MACF1: variants seen among roughly 807,000 people sequenced by gnomAD.
MACF1 encodes microtubule-actin cross-linking factor 1.
A neutral mutation model predicts 854.8 loss-of-function variants in MACF1; 193 were observed. That is an observed-to-expected ratio of 0.23 (90% confidence interval 0.20 to 0.25). The LOEUF is 0.25. Ranked by LOEUF, MACF1 falls within the 10% of genes least tolerant of loss-of-function variation. The pLI is 1.00. For synonymous variants in MACF1, 3,185 were observed against 3,226.7 expected, an observed-to-expected ratio of 0.99 and a Z score of 0.44; for missense variants, 7,722 against 8,929.1, an observed-to-expected ratio of 0.86 and a Z score of 5.45.
intron 58 of MACF1, among the ~76,000 whole-genome samples, chr1:39,390,581 A>T (rs1036458436): frequency 6.6e-6 from 1 of 152,240 alleles, no homozygotes; most frequent in Non-Finnish European, 1.5e-5. Context: ...CCCGTGAAGC[A>T]GTGCATTCCT....
At chr1:39,380,849 C>G (rs1324119053) in intron 55 of MACF1, among the ~76,000 whole-genome samples, 3 of 152,048 alleles carry the variant, frequency 2.0e-5, no homozygotes, top group African/African-American at 7.2e-5. Context: ...GAGTTCAAGG[C>G]TGCAGTGAGC....
At position 39,206,616 on chromosome 1, in the gene MACF1, A is replaced by G. The variant is rs796814452; in HGVS notation, c.109+1485A>G. 5 of 152,310 alleles carry G rather than the reference A, an allele frequency of 3.3e-5. No individual in the cohort carries two copies. In the South Asian group the frequency reaches 1.0e-3, roughly 32 times the overall value. 9.4% of individuals were successfully genotyped at this position (152,310 alleles called of 1,614,324 possible). On this transcript the variant is annotated intron_variant, in intron 1 of 100. Coordinates refer to ENST00000564288, the MANE Select transcript of MACF1 (RefSeq NM_001394062.1). ...TAAAGTAATTGAAATAAAAAGATACATTGTAAAAGCTTTTTATTTCTATGA... is the reference window on the plus strand; with the variant it reads ...TAAAGTAATTGAAATAAAAAGATACGTTGTAAAAGCTTTTTATTTCTATGA...
At chr1:39,235,896 G>A (rs1644855465) in intron 2 of MACF1, among the ~76,000 whole-genome samples, 2 of 152,128 alleles carry the variant, frequency 1.3e-5, no homozygotes, top group East Asian at 3.8e-4. Flanking sequence ...CACTGTGCCT[G>A]GCTAATTTTT....
At position 39,316,446 on chromosome 1, in the gene MACF1, A is replaced by G. The variant is rs1228646119; in HGVS notation, c.3505A>G (p.Lys1169Glu). ...CATACAGGATGCTGAACTCTTGGTC[A>G]AAGGTTATGAGATTAAGCTGAGTCA... is the stretch of plus-strand genomic sequence containing the variant. ...RSIQDAELLV[K>E]GYEIKLSQEE... Residue 1169 changes from lysine to glutamate, a missense_variant, in exon 28 of 101, where the codon AAA (lysine) becomes GAA (glutamate). Physicochemically the swap from Lys to Glu is moderately conservative, Grantham distance 56. Transcript: ENST00000564288. The G allele has an allele frequency of 6.2e-7, 1 of 1,613,916 alleles. No individual in the cohort carries two copies. Among genetic ancestry groups the G allele is most frequent in the African/African-American group, 1.3e-5 (1 of 74,918 alleles).
chr1:39,430,924 C>A lies in MACF1; in HGVS notation c.17337+16C>A. 6.3e-7 allele frequency: 1 copy of A among 1,597,330 alleles called. No homozygotes were observed. The highest frequency in any genetic ancestry group is 8.6e-7 in the Non-Finnish European group (1 of 1,166,444). The stretch of plus-strand genomic sequence containing the variant: ...ATCACAACAGGTAATGCTTATAATA[C>A]CTCTGCATTAATATTTTAGACAGTA... On this transcript the variant is annotated intron_variant, in intron 66 of 100. Coordinates refer to ENST00000564288, the MANE Select transcript of MACF1 (RefSeq NM_001394062.1).
intron 2 of MACF1, among the ~76,000 whole-genome samples, chr1:39,136,462 G>A (rs1643171128): frequency 1.3e-5 from 2 of 152,202 alleles, no homozygotes; most frequent in Non-Finnish European, 2.9e-5. Flanking sequence ...TTTATAGGGT[G>A]GAAGGCGTGG....
chr1:39,372,714 A>C, intron 52 of MACF1, 118 bp downstream of exon 52: 4 of 746,468 alleles, frequency 5.4e-6, no homozygotes, highest in Non-Finnish European at 9.4e-6. Context: ...AACAAAGGGC[A>C]TGCCCAAAGC....
chr1:39,123,203 A>ATTTTTTT (rs10585991), intron 2 of MACF1, among the ~76,000 whole-genome samples: 3 of 111,918 alleles, frequency 2.7e-5, no homozygotes, highest in Admixed American at 1.0e-4. Flanking sequence ...ATATATATAA[A>ATTTTTTT]TTTTTTTTTT....
intron 1 of MACF1, among the ~76,000 whole-genome samples, chr1:39,206,191 A>G (rs1644448262): frequency 6.6e-6 from 1 of 152,240 alleles, no homozygotes; most frequent in Non-Finnish European, 1.5e-5. Context: ...TTTTGACTAA[A>G]TATTCAGATC....
At chr1:39,432,371 A>G (rs953928812) in intron 66 of MACF1, among the ~76,000 whole-genome samples, 164 bp from the exon 67 acceptor site, 14 of 152,190 alleles carry the variant, frequency 9.2e-5, no homozygotes, top group Non-Finnish European at 1.2e-4. Context: ...ACTTGTTTGC[A>G]TCTTGATTTG....
In MACF1 at chr1:39,336,619, G is replaced by T; in HGVS notation, c.10031G>T (p.Gly3344Val). The change falls in exon 37 of 101, where the codon GGA (glycine) becomes GTA (valine). Residue 3344 changes from glycine (G) to valine (V), a missense_variant. This residue lies in a region of MACF1 where 854 missense variants were observed against 852.6 expected (regional missense o/e 1.00). Transcript: ENST00000564288. ...ACTGCACCTGAAGGAAAGGGAAATG[G>T]AGGTGTAAACCCAGAGCCCTTCAGA... ...FMTAPEGKGN[G>V]GVNPEPFRAT... 1 of 1,613,268 alleles carries T rather than the reference G, an allele frequency of 6.2e-7. No homozygotes were observed. Among genetic ancestry groups the T allele is most frequent in the Middle Eastern group, 1.7e-4 (1 of 6,042 alleles).
At chr1:39,465,020 T>C (rs1466740267) in intron 94 of MACF1, 75 bp from the exon 95 acceptor site, 1 of 1,256,306 alleles carries the variant, frequency 8.0e-7, no homozygotes, top group Non-Finnish European at 1.2e-6. Context: ...TTTCATTCTT[T>C]AGTGTTAATT....
chr1:39,371,920 T>A (rs1032252328), intron 51 of MACF1, among the ~76,000 whole-genome samples: 2 of 151,602 alleles, frequency 1.3e-5, no homozygotes, highest in South Asian at 2.1e-4. Context: ...TTCAAGCAAC[T>A]CTCCCGTCTC....
In MACF1 at chr1:39,409,272, A is replaced by C. The variant is rs1642872206; in HGVS notation, c.15817-13102A>C. On this transcript the variant is annotated intron_variant, in intron 58 of 100. Transcript: ENST00000564288. This position sits in a 1 kb window ranked among gnomAD's most constrained non-coding sequence, Gnocchi z 4.2. ...GAATAGAGGCGGCTGCTTGTCATGC[A>C]GCCCACGGCGTGGCGGCTGCGGGCC... Among the ~76,000 whole-genome samples, 2 of 151,880 alleles carry C rather than the reference A, an allele frequency of 1.3e-5. No homozygotes were observed. Among genetic ancestry groups the C allele is most frequent in the South Asian group, 4.2e-4 (2 of 4,814 alleles).
At chr1:39,385,959 C>T (rs1474901476) in intron 57 of MACF1, 30 bp downstream of exon 57, 5 of 1,570,330 alleles carry the variant, frequency 3.2e-6, no homozygotes, top group Non-Finnish European at 3.5e-6. Flanking sequence ...ATACTTCTGC[C>T]ATTATTAGAG....
chr1:39,466,130 A>G (rs576005755), intron 95 of MACF1, among the ~76,000 whole-genome samples: 1 of 152,268 alleles, frequency 6.6e-6, no homozygotes, highest in South Asian at 2.1e-4. Context: ...TCACATGCCT[A>G]CTCTCACACA....
intron 1 of MACF1, among the ~76,000 whole-genome samples, chr1:39,215,796 G>C (rs1207852336): frequency 6.6e-6 from 1 of 150,980 alleles, no homozygotes; most frequent in East Asian, 2.0e-4. Context: ...CCTCTGAGCA[G>C]ACTGGCGGGA....
At chr1:39,116,542 A>G (rs1642552045) in intron 2 of MACF1, among the ~76,000 whole-genome samples, 1 of 152,142 alleles carries the variant, frequency 6.6e-6, no homozygotes, top group African/African-American at 2.4e-5. Context: ...ACGGAAGAAT[A>G]TGGGGTCCTT....
chr1:39,252,064 C>A, intron 4 of MACF1, 123 bp downstream of exon 4: 1 of 546,962 alleles, frequency 1.8e-6, no homozygotes, highest in Non-Finnish European at 2.8e-6. Context: ...CTCATTTCAA[C>A]TGGGAATTTG....
Sources: allele counts gnomAD v4.1 joint callset (sites outside exome capture counted in the v4.1 genomes callset), GRCh38; gene constraint gnomAD v4.1.1; regional missense constraint gnomAD v4.1.1; non-coding constraint Gnocchi (gnomAD v3.1); transcripts MANE v1.5; gene names NCBI Gene and HGNC (gene_info 2026-07-23, HGNC 2026-07-21).